The following PCDHA11 variants were observed in gnomAD, a reference collection of about 807,000 sequenced individuals.
PCDHA11 encodes the protein protocadherin alpha-11.
PCDHA11 carries 61 observed loss-of-function variants against 70.3 expected under a neutral mutation model. The ratio of observed to expected loss-of-function variants is 0.87; its 90% CI spans 0.71 to 1.07. The LOEUF (loss-of-function observed/expected upper bound fraction) is 1.07, where lower values mean the gene tolerates loss of function less well. Ranked by LOEUF, PCDHA11 falls within the 50% of genes least tolerant of loss-of-function variation. The probability of loss-of-function intolerance (pLI) is 0.00; values close to 1 mark genes in which losing one functional copy is unlikely to be tolerated. For missense variants in PCDHA11, 1,324 were observed against 1,237.5 expected (o/e 1.07, Z -1.05); for synonymous variants, 633 against 555.1 (o/e 1.14, Z -1.97).
chr5:140,877,285 G>T lies in PCDHA11; in HGVS notation c.2391+5791G>T, dbSNP rs76220347. 4.6e-3 allele frequency: 7,403 copies of T among 1,613,898 alleles called. 23 individuals carry two copies. Among genetic ancestry groups the T allele is most frequent in the Middle Eastern group, 7.1e-3 (43 of 6,038 alleles). ...GGTGGACGCTGACTCCGGCTATAAC[G>T]CTTGGCTGTCCTACGAGTTGCAACC... On this transcript the variant is annotated intron_variant, in intron 1 of 3. Coordinates refer to ENST00000398640, the MANE Select transcript of PCDHA11 (RefSeq NM_018902.5).
chr5:140,873,933 T>C (rs1347981327), intron 1 of PCDHA11, among the ~76,000 whole-genome samples: 3 of 152,228 alleles, frequency 2.0e-5, no homozygotes. Context: ...AGTGCTGGGA[T>C]TACAGGTGTA....
intron 1 of PCDHA11, among the ~76,000 whole-genome samples, chr5:140,975,393 C>G (rs2096665585): frequency 6.6e-6 from 1 of 152,256 alleles, no homozygotes. Flanking sequence ...TAAGATCCAT[C>G]ACAATCACAG....
chr5:140,981,335 AG>A (rs2096927378), intron 2 of PCDHA11, among the ~76,000 whole-genome samples: 3 of 152,168 alleles, frequency 2.0e-5, no homozygotes, highest in Non-Finnish European at 4.4e-5. Context: ...GCACTTTGGG[AG>A]GGTGAGGCAG....
At chr5:140,964,173 C>A (rs1052958313) in intron 1 of PCDHA11, among the ~76,000 whole-genome samples, 5 of 152,174 alleles carry the variant, frequency 3.3e-5, no homozygotes, top group Non-Finnish European at 7.4e-5. Context: ...GGAACGAAAT[C>A]ATTATAGTGC....
rs572664608 is a variant in PCDHA11 at position 140,918,936 on chromosome 5, T to C, written c.2391+47442T>C. 6.0e-4 allele frequency among the ~76,000 whole-genome samples: 92 copies of C among 152,342 alleles called. 2 individuals are homozygous for C. Among genetic ancestry groups the C allele is most frequent in the Admixed American group, 5.2e-3 (80 of 15,310 alleles). On this transcript the variant is annotated intron_variant, in intron 1 of 3. Transcript: ENST00000398640. ...AACTACACAGCATATGGCATTTTGT[T>C]ATAATATCCTGAACAGACTAAGACA...
At chr5:141,007,933 A>T (rs1168610845) in intron 3 of PCDHA11, among the ~76,000 whole-genome samples, 1 of 152,212 alleles carries the variant, frequency 6.6e-6, no homozygotes, top group African/African-American at 2.4e-5. Context: ...TGGAATTCTA[A>T]GCCACCTTTT....
intron 1 of PCDHA11, chr5:140,930,518 T>G (rs782236970): frequency 3.3e-5 from 5 of 152,592 alleles, no homozygotes; most frequent in Non-Finnish European, 5.9e-5. Flanking sequence ...CCACTGCAGC[T>G]GGCCCTCAAA....
At position 141,010,031 on chromosome 5, in the gene PCDHA11, A is replaced by C; in HGVS notation, c.*94A>C. On this transcript the variant is annotated 3_prime_UTR_variant, in exon 4 of 4. Transcript: ENST00000398640. Reference sequence around the variant, plus strand: ...TTCCCTGCTCCTTTTTCCTATCTACATGAGCCCTCTTAGAGACCTCAGAAA... The same window carrying C: ...TTCCCTGCTCCTTTTTCCTATCTACCTGAGCCCTCTTAGAGACCTCAGAAA... 4 of 1,581,690 alleles carry C rather than the reference A, an allele frequency of 2.5e-6. No individual in the cohort carries two copies. Among genetic ancestry groups the C allele is most frequent in the South Asian group, 1.2e-5 (1 of 84,422 alleles).
intron 1 of PCDHA11, among the ~76,000 whole-genome samples, chr5:140,879,471 T>C (rs1320951448): frequency 1.3e-5 from 2 of 152,154 alleles, no homozygotes; most frequent in Non-Finnish European, 2.9e-5. Context: ...AGAATACCGT[T>C]GTGATTGGAA....
At chr5:140,991,452 C>T (rs1162146299) in intron 3 of PCDHA11, among the ~76,000 whole-genome samples, 3 of 152,184 alleles carry the variant, frequency 2.0e-5, no homozygotes, top group African/African-American at 7.2e-5. Context: ...TAAAACAACA[C>T]AATGTATTAT....
chr5:140,870,248 G>T lies in PCDHA11; in HGVS notation c.1145G>T (p.Gly382Val). Residue 382 changes from glycine (G) to valine (V), a missense_variant, in exon 1 of 4, where the codon GGA (glycine) becomes GTA (valine). Transcript: ENST00000398640. The stretch of plus-strand genomic sequence containing the variant: ...TCTGACCGTGACTCAGGTGTCAACG[G>T]ACAGGTGACCTGCTCGCTGACGCCC... ...SVSDRDSGVN[G>V]QVTCSLTPHV... 6.2e-7 allele frequency: 1 copy of T among 1,614,190 alleles called. No individual in the cohort carries two copies. Among genetic ancestry groups the T allele is most frequent in the South Asian group, 1.1e-5 (1 of 91,086 alleles).
intron 1 of PCDHA11, among the ~76,000 whole-genome samples, chr5:140,937,805 G>A (rs1192616946): frequency 1.3e-5 from 2 of 149,798 alleles, no homozygotes; most frequent in African/African-American, 2.5e-5. Context: ...CCAGCTACTC[G>A]GGAAGCTGAG....
Position 140,954,691 on chromosome 5 carries a change from A to G in PCDHA11, c.2392-24258A>G, listed in dbSNP as rs561318179. Among the ~76,000 whole-genome samples the G allele has an allele frequency of 9.2e-5, 14 of 152,162 alleles. No homozygotes were observed. The East Asian group carries it at 2.5e-3, about 27-fold the overall frequency. ...TATTAGACTTTTGTCAGATGGATAG[A>G]CTACAAAATTTTTCTCCCATTCTGT... On this transcript the variant is annotated intron_variant, in intron 1 of 3. Coordinates refer to ENST00000398640, the MANE Select transcript of PCDHA11 (RefSeq NM_018902.5).
intron 1 of PCDHA11, among the ~76,000 whole-genome samples, chr5:140,971,432 A>G (rs1446143040): frequency 6.6e-6 from 1 of 152,226 alleles, no homozygotes; most frequent in African/African-American, 2.4e-5. Context: ...AAGAACCCCA[A>G]GATCTACAGC....
chr5:140,875,407 A>G (rs2055457272), intron 1 of PCDHA11: 2 of 1,497,672 alleles, frequency 1.3e-6, no homozygotes, highest in Non-Finnish European at 1.8e-6. Flanking sequence ...GACTGCTCAT[A>G]AAATACCTCA....
At chr5:140,884,396 C>T (rs2060144550) in intron 1 of PCDHA11, 1 of 1,614,012 alleles carries the variant, frequency 6.2e-7, no homozygotes, top group Middle Eastern at 1.6e-4. Context: ...GGTGTCCAGC[C>T]TGTTGGTGCT....
chr5:140,922,098 A>G (rs1193331436), intron 1 of PCDHA11, among the ~76,000 whole-genome samples: 2 of 152,176 alleles, frequency 1.3e-5, no homozygotes, highest in Non-Finnish European at 2.9e-5. Context: ...TCTACCAACT[A>G]TAGATAAATG....
At chr5:140,929,015 A>C (rs1563111690) in intron 1 of PCDHA11, 3 of 1,614,016 alleles carry the variant, frequency 1.9e-6, no homozygotes, top group African/African-American at 1.3e-5. Flanking sequence ...ACCAAGTTGC[A>C]CCAGAGCCCA....
rs546348432 is a variant in PCDHA11, at chr5:141,012,203, T to G, written c.*2266T>G. ...TTATAATGTATCTGTACAGCACTTTTTACATTTGCGAAGTGCTTTCCAATC... is the reference window on the plus strand; with the variant it reads ...TTATAATGTATCTGTACAGCACTTTGTACATTTGCGAAGTGCTTTCCAATC... On this transcript the variant is annotated 3_prime_UTR_variant, in exon 4 of 4. Transcript: ENST00000398640. 2.0e-5 allele frequency: 3 copies of G among 153,792 alleles called. No individual in the cohort carries two copies. The highest frequency in any genetic ancestry group is 4.4e-5 in the Non-Finnish European group (3 of 68,050). The allele number at this position is 153,792 out of a possible 1,614,324, so 9.5% of individuals were successfully genotyped here.
Sources: allele counts gnomAD v4.1 joint callset (sites outside exome capture counted in the v4.1 genomes callset), GRCh38; gene constraint gnomAD v4.1.1; transcripts MANE v1.5; gene names NCBI Gene and HGNC (gene_info 2026-07-23, HGNC 2026-07-21).